Variants in MLPH observed in about 807,000 individuals in gnomAD.
The protein encoded by MLPH is exophilin-3.
Under a neutral mutation model 72.1 loss-of-function variants are expected in MLPH, and 51 were observed. That is an observed-to-expected ratio of 0.71 (90% CI 0.56 to 0.89). The LOEUF (loss-of-function observed/expected upper bound fraction) is 0.89. Among genes scored for constraint, MLPH ranks in the 40% least tolerant of loss-of-function variants. MLPH has a pLI of 0.00. For synonymous variants in MLPH, 301 were observed against 310.1 expected, an observed-to-expected ratio of 0.97 and a Z score of 0.31; for missense variants, 743 against 759.9, an observed-to-expected ratio of 0.98 and a Z score of 0.26.
intron 14 of MLPH, 70 bp from the exon 15 acceptor site, chr2:237,552,267 G>A: frequency 7.6e-7 from 1 of 1,316,392 alleles, no homozygotes; most frequent in Non-Finnish European, 1.1e-6. Flanking sequence ...TTTCTGAGGA[G>A]GCCAAGGCAC....
intron 8 of MLPH, among the ~76,000 whole-genome samples, chr2:237,531,059 CT>C (rs2080411519): frequency 6.6e-6 from 1 of 152,204 alleles, no homozygotes; most frequent in South Asian, 2.1e-4. Flanking sequence ...TGCAAGTATC[CT>C]GTGTCATGCG....
chr2:237,548,240 C>T (rs1180157165), intron 13 of MLPH, among the ~76,000 whole-genome samples: 1 of 152,212 alleles, frequency 6.6e-6, no homozygotes, highest in Non-Finnish European at 1.5e-5. Context: ...ACCTTTGTCC[C>T]TGGAAGCCCA....
chr2:237,511,391 T>C (rs1369160000), intron 4 of MLPH: 3 of 400,888 alleles, frequency 7.5e-6, no homozygotes, highest in Middle Eastern at 8.2e-4. Flanking sequence ...GGGTTATAAG[T>C]GTGAGCCACT....
chr2:237,519,033 C>T (rs114124169), intron 5 of MLPH, among the ~76,000 whole-genome samples: 1 of 152,124 alleles, frequency 6.6e-6, no homozygotes, highest in Non-Finnish European at 1.5e-5. Context: ...AAGTGGACCC[C>T]TCAGGCTCTC....
At chr2:237,515,100 T>C (rs139458003) in intron 4 of MLPH, among the ~76,000 whole-genome samples, 94 of 152,304 alleles carry the variant, frequency 6.2e-4, no homozygotes, top group African/African-American at 1.9e-3. Flanking sequence ...TTCCAACCCA[T>C]GTAAAAGATC....
At position 237,540,530 on chromosome 2, in the gene MLPH, G is replaced by A. The variant is rs774027952; in HGVS notation, c.1287G>A (p.Pro429=). ...TTGGGCCTCTCCCCCAGGCGGACCC[G>A]GAGGTAAGACTATCCCCCAGAGGTC... ...KSVGPLPQAD[P]EVGTAAHQTN... The change falls in exon 10 of 16, where the codon CCG becomes CCA. Residue 429 remains proline, a synonymous_variant. Transcript: ENST00000264605. The A allele has an allele frequency of 1.7e-5, 28 of 1,610,012 alleles. No homozygotes were observed. The highest frequency in any genetic ancestry group is 2.0e-4 in the Middle Eastern group (1 of 4,966).
chr2:237,532,499 A>G (rs1202577825), intron 8 of MLPH, among the ~76,000 whole-genome samples: 2 of 152,202 alleles, frequency 1.3e-5, no homozygotes, highest in Non-Finnish European at 2.9e-5. Context: ...CCCTGGGGCC[A>G]TTCGTGTGTG....
intron 2 of MLPH, among the ~76,000 whole-genome samples, chr2:237,494,453 A>G (rs2079494404): frequency 1.3e-5 from 2 of 152,156 alleles, no homozygotes; most frequent in South Asian, 4.1e-4. Flanking sequence ...AGAGCTTCAC[A>G]GGGCCTCACC....
In MLPH at chr2:237,534,625, C is replaced by G; in HGVS notation, c.1082C>G (p.Thr361Arg). ...VECLLTYLEN[T>R]VVPPLAKGLG... is the part of the protein sequence containing the mutation. ...TGCCTGCTGACCTACCTGGAGAACA[C>G]AGTTGTGCCTCCCTTGGCCAAGGTA... is the stretch of plus-strand genomic sequence containing the variant. The change falls in exon 9 of 16, where the codon ACA becomes AGA. Residue 361 changes from threonine to arginine, a missense_variant. Transcript: ENST00000264605. 1 of 1,613,884 alleles carries G rather than the reference C, an allele frequency of 6.2e-7. No individual in the cohort carries two copies. Among genetic ancestry groups the G allele is most frequent in the South Asian group, 1.1e-5 (1 of 91,074 alleles).
chr2:237,536,634 G>A (rs74001398), intron 9 of MLPH, among the ~76,000 whole-genome samples: 5,116 of 152,216 alleles, frequency 0.034, 306 homozygotes, highest in African/African-American at 0.12. Flanking sequence ...CCCATATCCA[G>A]CCATCCAGCC....
chr2:237,545,224 GTGGTGAGT>G (rs2080886886), intron 12 of MLPH, among the ~76,000 whole-genome samples: 1 of 144,520 alleles, frequency 6.9e-6, no homozygotes, highest in Non-Finnish European at 1.5e-5. Flanking sequence ...AGTGGGGACA[GTGGTGAGT>G]GGGGCACAGT....
intron 2 of MLPH, among the ~76,000 whole-genome samples, chr2:237,502,650 C>T (rs74001374): frequency 0.091 from 13,859 of 152,126 alleles, 1,702 homozygotes; most frequent in African/African-American, 0.29. Flanking sequence ...AAACGGAACA[C>T]CCTGTTTTAA....
At chr2:237,506,250 C>T (rs2079769048) in intron 2 of MLPH, among the ~76,000 whole-genome samples, 1 of 151,998 alleles carries the variant, frequency 6.6e-6, no homozygotes, top group African/African-American at 2.4e-5. Flanking sequence ...ACAGTAAACC[C>T]CCTACATGTT....
intron 5 of MLPH, among the ~76,000 whole-genome samples, chr2:237,519,103 C>T (rs751109526): frequency 2.1e-4 from 32 of 148,926 alleles, no homozygotes; most frequent in Non-Finnish European, 3.4e-4. Flanking sequence ...TTTTGCCAAC[C>T]ATGAGCCTTG....
chr2:237,526,945 TAAC>T (rs1024505479), intron 7 of MLPH, among the ~76,000 whole-genome samples: 5 of 152,200 alleles, frequency 3.3e-5, no homozygotes, highest in African/African-American at 9.6e-5. Flanking sequence ...CAAAAGGGGT[TAAC>T]AACGTCTAAC....
rs936607702 is a variant in MLPH, at chr2:237,487,329, C to G, written c.-133C>G. On this transcript the variant is annotated 5_prime_UTR_variant, in exon 1 of 16. Coordinates refer to ENST00000264605, the MANE Select transcript of MLPH (RefSeq NM_024101.7). ...CGCCCTGCTTGCCCCCATTATCCAGCCTTGCCCCGGCGCCCTGACCTGACG... is the reference window on the plus strand; with the variant it reads ...CGCCCTGCTTGCCCCCATTATCCAGGCTTGCCCCGGCGCCCTGACCTGACG... 6.5e-6 allele frequency: 1 copy of G among 152,692 alleles called. No individual in the cohort carries two copies. The highest frequency in any genetic ancestry group is 1.5e-5 in the Non-Finnish European group (1 of 68,400). The allele number at this position is 152,692 out of a possible 1,614,324, so 9.5% of individuals were successfully genotyped here.
At chr2:237,516,810 TGGATGGATGGATGGATGGTA>T (rs2080030960) in intron 4 of MLPH, among the ~76,000 whole-genome samples, 2 of 149,288 alleles carry the variant, frequency 1.3e-5, no homozygotes, top group Admixed American at 6.7e-5. Context: ...GATGGATGGA[TGGATGGATGGATGGATGGTA>T]GGATGGATGG....
chr2:237,525,003 C>T (rs1450711991), intron 6 of MLPH, among the ~76,000 whole-genome samples: 2 of 152,186 alleles, frequency 1.3e-5, no homozygotes, highest in African/African-American at 2.4e-5. Context: ...TGCGCATTTC[C>T]TCTGGCCTCC....
At chr2:237,506,833 C>G (rs1364428844) in intron 2 of MLPH, among the ~76,000 whole-genome samples, 1 of 152,114 alleles carries the variant, frequency 6.6e-6, no homozygotes, top group Non-Finnish European at 1.5e-5. Flanking sequence ...CCTCCCTTAT[C>G]TGGAACAATA....
Sources: gnomAD v4.1 joint callset for allele counts (sites outside exome capture counted in the v4.1 genomes callset) on GRCh38, gnomAD v4.1.1 for gene constraint, MANE v1.5 for transcripts, NCBI Gene and HGNC (gene_info 2026-07-23, HGNC 2026-07-21) for gene names.